Variants in SENP7 observed in about 807,000 individuals in gnomAD.
SENP7 encodes SUMO specific peptidase 7.
A neutral mutation model predicts 141.2 loss-of-function variants in SENP7; 64 were observed. That is an observed-to-expected ratio of 0.45 (90% CI 0.37 to 0.56). The LOEUF (loss-of-function observed/expected upper bound fraction) is 0.56. Ranked by LOEUF, SENP7 falls within the 20% of genes least tolerant of loss-of-function variation. The pLI is 0.00. For missense variants in SENP7, 1,025 were observed against 1,212.2 expected, an observed-to-expected ratio of 0.85 and a Z score of 2.29; for synonymous variants, 382 against 426.4, an observed-to-expected ratio of 0.90 and a Z score of 1.28.
chr3:101,425,865 C>A (rs555880580), intron 4 of SENP7, among the ~76,000 whole-genome samples: 2 of 152,192 alleles, frequency 1.3e-5, no homozygotes, highest in Middle Eastern at 3.4e-3. Flanking sequence ...ATAATGCAAT[C>A]GCAAGTATTA....
At chr3:101,345,526 T>C (rs912143382) in intron 13 of SENP7, among the ~76,000 whole-genome samples, 110 of 152,212 alleles carry the variant, frequency 7.2e-4, no homozygotes, top group African/African-American at 2.6e-3. Flanking sequence ...AGTTCTTGAT[T>C]TGATTCTCAA....
chr3:101,350,740 C>A (rs1425778660), intron 12 of SENP7, among the ~76,000 whole-genome samples: 4 of 151,928 alleles, frequency 2.6e-5, no homozygotes, highest in African/African-American at 9.7e-5. Context: ...AAATTATCAT[C>A]CCCTTTTAAA....
intron 4 of SENP7, among the ~76,000 whole-genome samples, chr3:101,431,728 G>A (rs144748723): frequency 6.6e-6 from 1 of 151,918 alleles, no homozygotes; most frequent in African/African-American, 2.4e-5. Context: ...AGGTTGCAGT[G>A]CACCAAGATT....
intron 4 of SENP7, among the ~76,000 whole-genome samples, chr3:101,432,284 T>C (rs1354774783): frequency 6.6e-6 from 1 of 152,126 alleles, no homozygotes; most frequent in Non-Finnish European, 1.5e-5. Flanking sequence ...AATAGAACAC[T>C]AGGTAGACTT....
intron 5 of SENP7, among the ~76,000 whole-genome samples, chr3:101,407,018 G>A (rs1181181852): frequency 1.3e-5 from 2 of 152,090 alleles, no homozygotes; most frequent in African/African-American, 4.8e-5. Context: ...ACAAACAAAT[G>A]GGAAGAGAAT....
At chr3:101,375,904 A>T (rs112974281) in intron 6 of SENP7, among the ~76,000 whole-genome samples, 2 of 152,324 alleles carry the variant, frequency 1.3e-5, no homozygotes, top group African/African-American at 4.8e-5. Flanking sequence ...TTAAAGAGGT[A>T]ACTAAAATAG....
At chr3:101,368,737 T>C (rs1453701021) in intron 7 of SENP7, among the ~76,000 whole-genome samples, 2 of 151,886 alleles carry the variant, frequency 1.3e-5, no homozygotes, top group African/African-American at 2.4e-5. Flanking sequence ...ATAATAATAA[T>C]AATAAAAAAG....
At chr3:101,475,032 T>C (rs375127457) in intron 3 of SENP7, among the ~76,000 whole-genome samples, 13 of 152,146 alleles carry the variant, frequency 8.5e-5, no homozygotes, top group African/African-American at 2.7e-4. Context: ...GATGGATACA[T>C]ATATATATCC....
chr3:101,423,186 AT>A (rs2061842736), intron 4 of SENP7, among the ~76,000 whole-genome samples: 1 of 152,218 alleles, frequency 6.6e-6, no homozygotes. Flanking sequence ...ATTCAATATC[AT>A]TAATCTTATT....
At chr3:101,479,198 C>T (rs182658391) in intron 3 of SENP7, among the ~76,000 whole-genome samples, 4 of 152,142 alleles carry the variant, frequency 2.6e-5, no homozygotes, top group South Asian at 2.1e-4. Flanking sequence ...AAGTCCTAGC[C>T]GGAGCAATCA....
intron 9 of SENP7, among the ~76,000 whole-genome samples, 176 bp downstream of exon 9, chr3:101,366,254 T>C (rs1157468766): frequency 1.3e-5 from 2 of 152,208 alleles, no homozygotes; most frequent in Non-Finnish European, 2.9e-5. Context: ...AAATCGATAT[T>C]TTAAAACTCA....
chr3:101,325,422 G>A lies in SENP7; in HGVS notation c.*521C>T, dbSNP rs1323286429. 1.3e-5 allele frequency: 2 copies of A among 152,480 alleles called. No individual in the cohort carries two copies. Among genetic ancestry groups the A allele is most frequent in the African/African-American group, 4.8e-5 (2 of 41,418 alleles). 9.4% of individuals were successfully genotyped at this position (152,480 alleles called of 1,614,324 possible). ...TCTTTTTGTTACATACAGAAGGGAT[G>A]CCGTAAATGGCATTTTCTGAAGCCT... is the stretch of plus-strand genomic sequence containing the variant. On this transcript the variant is annotated 3_prime_UTR_variant, in exon 24 of 24. Transcript: ENST00000394095.
Position 101,337,754 on chromosome 3 carries a change from G to T in SENP7, c.2358-123C>A. 1.9e-5 allele frequency: 16 copies of T among 850,268 alleles called. 1 individual carries two copies. The South Asian group carries it at 4.5e-4, about 24-fold the overall frequency. The allele number at this position is 850,268 out of a possible 1,614,324, so 52.7% of individuals were successfully genotyped here. A position where few individuals can be genotyped will look rare whatever the true frequency, so the allele number is the denominator to read the frequency against. On this transcript the variant is annotated intron_variant, in intron 16 of 23. Transcript: ENST00000394095. The stretch of plus-strand genomic sequence containing the variant: ...TATTTTGATTCAAAGCAATCTTGCA[G>T]TTTCCTCTGATTTCAGCTTTCAGTT...
At chr3:101,451,856 T>G (rs200220838) in intron 4 of SENP7, among the ~76,000 whole-genome samples, 1 of 152,212 alleles carries the variant, frequency 6.6e-6, no homozygotes, top group East Asian at 1.9e-4. Context: ...TTGGAAGTTC[T>G]GGCCAGGGCA....
rs2058939806 is a variant in SENP7, at chr3:101,327,656, C to T, written c.3015+10G>A. 1.3e-6 allele frequency: 2 copies of T among 1,587,788 alleles called. No homozygotes were observed. Among genetic ancestry groups the T allele is most frequent in the South Asian group, 1.2e-5 (1 of 86,044 alleles). On this transcript the variant is annotated intron_variant, in intron 23 of 23. Transcript: ENST00000394095. ...CTGTGAATTAAAAACTTATTTATAG[C>T]TTCACATACCTTGAAGAAGCTTTCC...
chr3:101,366,306 A>T, intron 9 of SENP7, 124 bp downstream of exon 9: 1 of 590,872 alleles, frequency 1.7e-6, no homozygotes, highest in African/African-American at 1.9e-5. Flanking sequence ...TCCTAAAGTT[A>T]ATATATTCCA....
intron 4 of SENP7, chr3:101,457,190 T>C (rs1317689082): frequency 1.8e-5 from 22 of 1,243,900 alleles, no homozygotes; most frequent in Non-Finnish European, 2.6e-5. Flanking sequence ...TAATATAAAA[T>C]AGCAGCTCCC....
intron 7 of SENP7, among the ~76,000 whole-genome samples, 153 bp downstream of exon 7, chr3:101,371,855 A>T (rs184090028): frequency 1.7e-4 from 26 of 152,318 alleles, no homozygotes; most frequent in African/African-American, 5.8e-4. Context: ...CATAAAGAGT[A>T]GGTTTAGCAA....
intron 13 of SENP7, 145 bp downstream of exon 13, chr3:101,347,727 A>AAC (rs1386943149): frequency 2.0e-6 from 1 of 492,076 alleles, no homozygotes; most frequent in East Asian, 3.7e-5. Context: ...ATCTCAAAAA[A>AAC]AAAAAAAAAA....
Sources: allele counts gnomAD v4.1 joint callset (sites outside exome capture counted in the v4.1 genomes callset), GRCh38; gene constraint gnomAD v4.1.1; transcripts MANE v1.5; gene names NCBI Gene and HGNC (gene_info 2026-07-23, HGNC 2026-07-21).